The following MPPED2 variants were observed in gnomAD, a reference collection of about 807,000 sequenced individuals.
The protein encoded by MPPED2 is metallophosphoesterase MPPED2.
MPPED2 carries 5 observed loss-of-function variants against 33.0 expected under a neutral mutation model. That is an observed-to-expected ratio of 0.15 (90% confidence interval 0.08 to 0.32). The LOEUF is 0.32. Among genes scored for constraint, MPPED2 ranks in the 10% least tolerant of loss-of-function variants. MPPED2 has a pLI of 1.00. For synonymous variants in MPPED2, 136 were observed against 141.9 expected (o/e 0.96, Z 0.29); for missense variants, 275 against 372.1 (o/e 0.74, Z 2.15).
At chr11:30,504,793 T>C (rs1003060875) in intron 3 of MPPED2, 2 of 1,288,976 alleles carry the variant, frequency 1.6e-6, no homozygotes, top group South Asian at 1.2e-5. Context: ...CTGAAACTCA[T>C]GCATTAGGGT....
intron 2 of MPPED2, among the ~76,000 whole-genome samples, chr11:30,537,024 G>A (rs1282083250): frequency 6.6e-6 from 1 of 152,104 alleles, no homozygotes; most frequent in South Asian, 2.1e-4. Flanking sequence ...CAGGGCATAA[G>A]AATCAAAAGG....
intron 4 of MPPED2, among the ~76,000 whole-genome samples, chr11:30,427,505 G>A (rs1167151661): frequency 1.3e-5 from 2 of 152,172 alleles, no homozygotes; most frequent in East Asian, 3.9e-4. Context: ...ATACCATACA[G>A]CCATTAAACA....
intron 2 of MPPED2, among the ~76,000 whole-genome samples, chr11:30,573,147 C>T (rs959624515): frequency 1.3e-5 from 2 of 152,160 alleles, no homozygotes; most frequent in Non-Finnish European, 2.9e-5. Flanking sequence ...TGGTCAATGA[C>T]AGACCACATA....
chr11:30,476,609 T>C (rs183087432), intron 4 of MPPED2, among the ~76,000 whole-genome samples: 1 of 152,060 alleles, frequency 6.6e-6, no homozygotes, highest in South Asian at 2.1e-4. Flanking sequence ...GATCTATGTG[T>C]CCACCTTTCA....
intron 4 of MPPED2, among the ~76,000 whole-genome samples, chr11:30,458,011 T>G (rs1398748480): frequency 6.6e-6 from 1 of 152,188 alleles, no homozygotes; most frequent in African/African-American, 2.4e-5. Context: ...CCACATACGA[T>G]AAGCAATTCA....
At chr11:30,534,384 A>G (rs908783781) in intron 3 of MPPED2, among the ~76,000 whole-genome samples, 3 of 152,216 alleles carry the variant, frequency 2.0e-5, no homozygotes, top group Non-Finnish European at 4.4e-5. Context: ...GAAAAAAGAC[A>G]TAAGCGAAAA....
chr11:30,513,397 A>T (rs1297865012), intron 3 of MPPED2, among the ~76,000 whole-genome samples: 1 of 152,236 alleles, frequency 6.6e-6, no homozygotes, highest in Non-Finnish European at 1.5e-5. Context: ...ACACTCTACC[A>T]GTGGGCTCAG....
chr11:30,571,077 G>A (rs925189172), intron 2 of MPPED2, among the ~76,000 whole-genome samples: 4 of 151,964 alleles, frequency 2.6e-5, no homozygotes, highest in Non-Finnish European at 2.9e-5. Context: ...TCTCACTTAG[G>A]ATTTTAAAGC....
chr11:30,395,212 A>G (rs1407233876), intron 6 of MPPED2, among the ~76,000 whole-genome samples: 1 of 152,200 alleles, frequency 6.6e-6, no homozygotes, highest in Admixed American at 6.5e-5. Flanking sequence ...GAAGAGAAAA[A>G]TGGGCTTTTA....
Position 30,388,958 on chromosome 11 carries a change from T to C in MPPED2, c.767-2A>G, listed in dbSNP as rs752166587. The C allele has an allele frequency of 1.9e-6, 3 of 1,559,388 alleles. No homozygotes were observed. Among genetic ancestry groups the C allele is most frequent in the East Asian group, 2.4e-5 (1 of 42,308 alleles). ...CCTTGGAGATGCTCACAGGGTTTAC[T>C]AAAGGGGAGAGAGAGAAAGAGAGAG... On this transcript the variant is annotated splice_acceptor_variant, in intron 6 of 6. Coordinates refer to the MPPED2 transcript ENST00000448418. LOFTEE classifies it high-confidence loss of function.
At chr11:30,468,256 A>ACACACT (rs1408746552) in intron 4 of MPPED2, among the ~76,000 whole-genome samples, 119 of 142,934 alleles carry the variant, frequency 8.3e-4, no homozygotes, top group African/African-American at 2.5e-3. Flanking sequence ...ACACACACAC[A>ACACACT]CTCTCTCTCT....
At chr11:30,392,445 G>A (rs1947791658) in intron 6 of MPPED2, among the ~76,000 whole-genome samples, 1 of 152,172 alleles carries the variant, frequency 6.6e-6, no homozygotes, top group Non-Finnish European at 1.5e-5. Context: ...ATAGGGTTAG[G>A]CAACAGCAAC....
Position 30,476,729 on chromosome 11 carries a change from T to G in MPPED2, c.536+18567A>C, listed in dbSNP as rs79878484. On this transcript the variant is annotated intron_variant, in intron 4 of 6. Coordinates refer to ENST00000358117, the MANE Select transcript of MPPED2 (RefSeq NM_001584.3). ...CACTTTGACTATTCGAAATCTTTTT[T>G]TATTTTCAAAAAATATTACAATCAG... 7.5e-3 allele frequency among the ~76,000 whole-genome samples: 1,134 copies of G among 152,168 alleles called. 17 individuals are homozygous for G. Among genetic ancestry groups the G allele is most frequent in the African/African-American group, 0.024 (994 of 41,568 alleles).
At chr11:30,584,782 T>G (rs1440491171) in intron 1 of MPPED2, 2 of 152,324 alleles carry the variant, frequency 1.3e-5, no homozygotes, top group Non-Finnish European at 1.5e-5. Flanking sequence ...GCCAGGTTCC[T>G]TCCCTGGAAC....
At position 30,531,218 on chromosome 11, in the gene MPPED2, A is replaced by G. The variant is rs79822857; in HGVS notation, c.310+4776T>C. Among the ~76,000 whole-genome samples, 440 of 152,308 alleles carry G rather than the reference A, an allele frequency of 2.9e-3. 1 individual carries two copies. The highest frequency in any genetic ancestry group is 0.01 in the African/African-American group (426 of 41,560). Reference sequence around the variant, plus strand: ...GAAGGATTCATCTGTACCTCTCTCCATATACTCTGGCAATAAATCTTTGAC... The same window carrying G: ...GAAGGATTCATCTGTACCTCTCTCCGTATACTCTGGCAATAAATCTTTGAC... On this transcript the variant is annotated intron_variant, in intron 3 of 6. Coordinates refer to ENST00000358117, the MANE Select transcript of MPPED2 (RefSeq NM_001584.3).
rs149268017 is a variant in MPPED2, at chr11:30,543,685, A to G, written c.129-7510T>C. On this transcript the variant is annotated intron_variant, in intron 2 of 6. Transcript: ENST00000358117. ...ACGACTGTAGACTGAGCTTCTAGAT[A>G]TATCTATTCCAACAGAGAACAAAGA... Among the ~76,000 whole-genome samples, 549 of 152,274 alleles carry G rather than the reference A, an allele frequency of 3.6e-3. 3 individuals carry two copies. Among genetic ancestry groups the G allele is most frequent in the African/African-American group, 0.013 (539 of 41,558 alleles).
intron 4 of MPPED2, among the ~76,000 whole-genome samples, chr11:30,486,015 T>C (rs1951728637): frequency 6.6e-6 from 1 of 152,204 alleles, no homozygotes; most frequent in Non-Finnish European, 1.5e-5. Flanking sequence ...GCAGATGTGG[T>C]GCTGGCAAAA....
intron 4 of MPPED2, among the ~76,000 whole-genome samples, chr11:30,489,467 T>A (rs1951879039): frequency 6.6e-6 from 1 of 152,218 alleles, no homozygotes; most frequent in Non-Finnish European, 1.5e-5. Flanking sequence ...TCAACATGGT[T>A]ATGATAGGAA....
chr11:30,492,711 TACTA>T (rs1369023404), intron 4 of MPPED2, among the ~76,000 whole-genome samples: 25 of 62,308 alleles, frequency 4.0e-4, no homozygotes, highest in Admixed American at 2.4e-3. Context: ...TGACGTACCT[TACTA>T]AATAAAGCTA....
Sources: gnomAD v4.1 joint callset for allele counts (sites outside exome capture counted in the v4.1 genomes callset) on GRCh38, gnomAD v4.1.1 for gene constraint, MANE v1.5 for transcripts, NCBI Gene and HGNC (gene_info 2026-07-23, HGNC 2026-07-21) for gene names.